Variants in DOCK1 observed in about 807,000 individuals in gnomAD.
The protein encoded by DOCK1 is dedicator of cytokinesis protein 1.
Under a neutral mutation model 262.7 loss-of-function variants are expected in DOCK1, and 138 were observed. The ratio of observed to expected loss-of-function variants is 0.53; its 90% CI spans 0.46 to 0.61. DOCK1 has a LOEUF of 0.61. Ranked by LOEUF, DOCK1 falls within the 20% of genes least tolerant of loss-of-function variation. DOCK1 has a pLI of 0.00. For missense variants in DOCK1, 1,908 were observed against 2,370.7 expected, an observed-to-expected ratio of 0.80 and a Z score of 4.05; for synonymous variants, 866 against 867.4, an observed-to-expected ratio of 1.00 and a Z score of 0.03.
intron 47 of DOCK1, among the ~76,000 whole-genome samples, chr10:127,427,752 A>G (rs2068916392): frequency 6.6e-6 from 1 of 152,156 alleles, no homozygotes; most frequent in Non-Finnish European, 1.5e-5. Context: ...AGAGAAGGTA[A>G]TTTGGTTATG....
At chr10:127,408,324 G>A (rs2067640076) in intron 40 of DOCK1, among the ~76,000 whole-genome samples, 1 of 152,186 alleles carries the variant, frequency 6.6e-6, no homozygotes, top group Admixed American at 6.5e-5. Context: ...CTTCCAAGAA[G>A]AGCTCTGTAT....
At chr10:127,019,108 G>A (rs536693334) in intron 13 of DOCK1, 2 of 459,452 alleles carry the variant, frequency 4.4e-6, no homozygotes, top group African/African-American at 3.9e-5. Context: ...AAATGTCTGG[G>A]TAGACATCAG....
chr10:127,197,452 A>G (rs1273811362), intron 27 of DOCK1, among the ~76,000 whole-genome samples: 2 of 152,150 alleles, frequency 1.3e-5, no homozygotes, highest in Non-Finnish European at 2.9e-5. Flanking sequence ...GATGCCTGTC[A>G]GGCCCTGGGG....
At chr10:127,420,699 C>T (rs529018283) in intron 46 of DOCK1, among the ~76,000 whole-genome samples, 5 of 151,966 alleles carry the variant, frequency 3.3e-5, no homozygotes, top group East Asian at 2.0e-4. Context: ...ATTAGCTGGG[C>T]GTGGTGGTGC....
At chr10:127,225,801 G>T (rs1477399043) in intron 27 of DOCK1, among the ~76,000 whole-genome samples, 1 of 152,166 alleles carries the variant, frequency 6.6e-6, no homozygotes, top group South Asian at 2.1e-4. Flanking sequence ...GTAGTTGGAC[G>T]GGCATGGTGG....
intron 27 of DOCK1, among the ~76,000 whole-genome samples, chr10:127,156,781 T>C (rs1486662481): frequency 1.3e-5 from 2 of 152,096 alleles, no homozygotes; most frequent in Non-Finnish European, 2.9e-5. Context: ...TTGGTCAGGC[T>C]GGTCTTGAAC....
At chr10:127,174,609 G>A (rs1308951967) in intron 27 of DOCK1, among the ~76,000 whole-genome samples, 2 of 152,202 alleles carry the variant, frequency 1.3e-5, no homozygotes, top group African/African-American at 4.8e-5. Flanking sequence ...AAGGGCATCT[G>A]TCTCCTAATC....
intron 27 of DOCK1, chr10:127,127,990 T>G (rs1218255741): frequency 3.0e-6 from 1 of 337,102 alleles, no homozygotes. Flanking sequence ...TACTTACTTA[T>G]AGCAAAAGAC....
At chr10:127,108,737 A>T (rs1324830820) in intron 24 of DOCK1, among the ~76,000 whole-genome samples, 2 of 152,242 alleles carry the variant, frequency 1.3e-5, no homozygotes, top group Non-Finnish European at 2.9e-5. Flanking sequence ...TTTAAGCAGC[A>T]ACAATAGACG....
chr10:127,093,655 C>CT (rs925663853), intron 23 of DOCK1, among the ~76,000 whole-genome samples: 28 of 146,628 alleles, frequency 1.9e-4, no homozygotes, highest in Middle Eastern at 3.6e-3. Flanking sequence ...CACCCATGGC[C>CT]TTTTTTTTTT....
chr10:127,397,926 CA>C, intron 38 of DOCK1, among the ~76,000 whole-genome samples: 1 of 152,096 alleles, frequency 6.6e-6, no homozygotes, highest in East Asian at 1.9e-4. Context: ...CTGGATGACA[CA>C]AATAGTGGCT....
At chr10:127,037,626 A>C (rs2043727286) in intron 18 of DOCK1, 93 bp from the exon 19 acceptor site, 2 of 1,135,444 alleles carry the variant, frequency 1.8e-6, no homozygotes, top group African/African-American at 3.1e-5. Flanking sequence ...CTGTTCACAA[A>C]ATTTTATAGA....
At chr10:127,387,510 A>G (rs1303039748) in intron 38 of DOCK1, among the ~76,000 whole-genome samples, 2 of 152,142 alleles carry the variant, frequency 1.3e-5, no homozygotes, top group Non-Finnish European at 2.9e-5. Context: ...TTCCTGTCTC[A>G]GCTTAAATGT....
intron 29 of DOCK1, among the ~76,000 whole-genome samples, chr10:127,280,849 A>G (rs1314978266): frequency 3.3e-5 from 5 of 151,998 alleles, no homozygotes; most frequent in African/African-American, 9.7e-5. Context: ...ACTCCACGCT[A>G]AGAACATCGG....
intron 7 of DOCK1, among the ~76,000 whole-genome samples, chr10:126,997,505 G>C (rs199907612): frequency 6.9e-6 from 1 of 144,448 alleles, no homozygotes; most frequent in Admixed American, 7.0e-5. Flanking sequence ...GTGCGGGGGG[G>C]TGCTACACGC....
At chr10:127,431,844 G>C (rs1343756923) in intron 47 of DOCK1, among the ~76,000 whole-genome samples, 1 of 152,200 alleles carries the variant, frequency 6.6e-6, no homozygotes, top group Non-Finnish European at 1.5e-5. Flanking sequence ...CTTTGCAGCA[G>C]AGGTCCCAGC....
chr10:127,365,919 A>G (rs1445367372), intron 33 of DOCK1, among the ~76,000 whole-genome samples: 5 of 152,354 alleles, frequency 3.3e-5, no homozygotes, highest in African/African-American at 1.2e-4. Flanking sequence ...ACATTGACCC[A>G]GCGTCAGGAG....
chr10:127,429,722 C>T (rs2069149087), intron 47 of DOCK1, among the ~76,000 whole-genome samples: 1 of 152,178 alleles, frequency 6.6e-6, no homozygotes, highest in Non-Finnish European at 1.5e-5. Flanking sequence ...CCCAGCTTCT[C>T]CTGACCTTTA....
At chr10:127,168,011 A>T (rs983366448) in intron 27 of DOCK1, among the ~76,000 whole-genome samples, 1 of 152,098 alleles carries the variant, frequency 6.6e-6, no homozygotes, top group Non-Finnish European at 1.5e-5. Context: ...TTTGTCCATA[A>T]TTCATTTCAT....
Sources: gnomAD v4.1 joint callset for allele counts (sites outside exome capture counted in the v4.1 genomes callset) on GRCh38, gnomAD v4.1.1 for gene constraint, MANE v1.5 for transcripts, NCBI Gene and HGNC (gene_info 2026-07-23, HGNC 2026-07-21) for gene names.